Variants in MIPOL1 observed in about 807,000 individuals in gnomAD.
MIPOL1 encodes the protein mirror-image polydactyly gene 1 protein.
MIPOL1 carries 57 observed loss-of-function variants against 60.9 expected under a neutral mutation model. The ratio of observed to expected loss-of-function variants is 0.94; its 90% CI spans 0.76 to 1.17. The LOEUF (loss-of-function observed/expected upper bound fraction) is 1.17, where lower values mean the gene tolerates loss of function less well. Among genes scored for constraint, MIPOL1 ranks in the 50% most tolerant of loss-of-function variants. The probability of loss-of-function intolerance (pLI) is 0.00; values close to 1 mark genes in which losing one functional copy is unlikely to be tolerated. For synonymous variants in MIPOL1, 179 were observed against 168.8 expected, an observed-to-expected ratio of 1.06 and a Z score of -0.47; for missense variants, 551 against 511.6, an observed-to-expected ratio of 1.08 and a Z score of -0.74.
At chr14:37,348,883 A>G (rs2091138572) in intron 9 of MIPOL1, among the ~76,000 whole-genome samples, 1 of 142,958 alleles carries the variant, frequency 7.0e-6, no homozygotes, top group South Asian at 2.2e-4. Flanking sequence ...GCTGGAGAGC[A>G]GTGGCACGAT....
intron 1 of MIPOL1, among the ~76,000 whole-genome samples, chr14:37,242,989 T>C (rs1972593955): frequency 6.6e-6 from 1 of 152,024 alleles, no homozygotes; most frequent in Non-Finnish European, 1.5e-5. Context: ...AGATAAAAGC[T>C]CTGAGGCAAG....
At chr14:37,322,258 A>T (rs762357327) in intron 9 of MIPOL1, among the ~76,000 whole-genome samples, 2 of 152,048 alleles carry the variant, frequency 1.3e-5, no homozygotes, top group African/African-American at 4.8e-5. Context: ...TGACAAGTGC[A>T]TACAACTGTA....
At chr14:37,360,409 C>T (rs1003142182) in intron 9 of MIPOL1, among the ~76,000 whole-genome samples, 4 of 152,226 alleles carry the variant, frequency 2.6e-5, no homozygotes, top group African/African-American at 9.6e-5. Context: ...ATCTCCTCTT[C>T]GTACCTCTGG....
At chr14:37,450,197 C>T (rs190558421) in intron 11 of MIPOL1, among the ~76,000 whole-genome samples, 1 of 152,190 alleles carries the variant, frequency 6.6e-6, no homozygotes, top group East Asian at 1.9e-4. Flanking sequence ...ATGAGGTCTC[C>T]CTTTACGCCA....
intron 11 of MIPOL1, among the ~76,000 whole-genome samples, chr14:37,439,656 C>G (rs2094212590): frequency 6.6e-6 from 1 of 151,982 alleles, no homozygotes; most frequent in Non-Finnish European, 1.5e-5. Context: ...AAACGTCAAC[C>G]CCTGGTCAAT....
chr14:37,435,780 T>C (rs973547132), intron 11 of MIPOL1, among the ~76,000 whole-genome samples: 1 of 148,144 alleles, frequency 6.8e-6, no homozygotes, highest in East Asian at 2.0e-4. Context: ...AAAAATTTTT[T>C]ATGTACATGT....
chr14:37,254,931 C>G (rs1249886017), intron 3 of MIPOL1, among the ~76,000 whole-genome samples: 1 of 151,678 alleles, frequency 6.6e-6, no homozygotes, highest in East Asian at 1.9e-4. Flanking sequence ...AATACAAACT[C>G]TACTTTAAAT....
chr14:37,540,942 G>T (rs1176365699), intron 12 of MIPOL1, among the ~76,000 whole-genome samples: 1 of 152,064 alleles, frequency 6.6e-6, no homozygotes, highest in Non-Finnish European at 1.5e-5. Flanking sequence ...TTCAGTAATT[G>T]CTTCTGATCT....
intron 9 of MIPOL1, among the ~76,000 whole-genome samples, chr14:37,318,736 C>T (rs1319900420): frequency 1.3e-5 from 2 of 152,016 alleles, no homozygotes; most frequent in Admixed American, 6.6e-5. Flanking sequence ...ACTTTGTAGC[C>T]TGATTTTTCA....
At chr14:37,353,617 T>G (rs1431684951) in intron 9 of MIPOL1, among the ~76,000 whole-genome samples, 1 of 151,432 alleles carries the variant, frequency 6.6e-6, no homozygotes, top group Non-Finnish European at 1.5e-5. Context: ...ATTCAACTTC[T>G]TCCTGGTTTA....
chr14:37,260,804 C>G (rs1292636187), intron 3 of MIPOL1, among the ~76,000 whole-genome samples: 1 of 152,064 alleles, frequency 6.6e-6, no homozygotes, highest in African/African-American at 2.4e-5. Flanking sequence ...GCTAAGTTAC[C>G]TAATTTCCTG....
chr14:37,308,777 A>T (rs564106172), intron 9 of MIPOL1, among the ~76,000 whole-genome samples: 1 of 152,230 alleles, frequency 6.6e-6, no homozygotes, highest in South Asian at 2.1e-4. Flanking sequence ...TTACAGACTA[A>T]CTTGTTATAG....
At chr14:37,237,086 G>A (rs1481935506) in intron 1 of MIPOL1, among the ~76,000 whole-genome samples, 1 of 152,048 alleles carries the variant, frequency 6.6e-6, no homozygotes, top group African/African-American at 2.4e-5. Context: ...TCAGGCCATA[G>A]ATGGTCTGTC....
rs2095460508 is a variant in MIPOL1, at chr14:37,528,386, A to G, written c.1263-18519A>G. Among the ~76,000 whole-genome samples the G allele has an allele frequency of 2.0e-5, 3 of 152,036 alleles. No individual in the cohort carries two copies. The South Asian group carries it at 6.2e-4, about 31-fold the overall frequency. ...AAATACCACTGCAGTGAAAATACTT[A>G]AAGCTAGATATTTGCACATATCTGT... On this transcript the variant is annotated intron_variant, in intron 12 of 12. Transcript: ENST00000684589.
At chr14:37,521,223 C>T (rs2095411167) in intron 12 of MIPOL1, among the ~76,000 whole-genome samples, 1 of 126,288 alleles carries the variant, frequency 7.9e-6, no homozygotes, top group South Asian at 2.6e-4. Flanking sequence ...AGGTGTGAGC[C>T]ACTGCGCCCA....
At chr14:37,218,697 G>A (rs989378884) in intron 1 of MIPOL1, among the ~76,000 whole-genome samples, 1 of 152,082 alleles carries the variant, frequency 6.6e-6, no homozygotes, top group Non-Finnish European at 1.5e-5. Context: ...GCACTTTTGA[G>A]AGGCTGAGTT....
intron 11 of MIPOL1, among the ~76,000 whole-genome samples, chr14:37,475,144 T>C (rs889764697): frequency 1.3e-5 from 2 of 152,168 alleles, no homozygotes; most frequent in South Asian, 2.1e-4. Context: ...TTTGCATTTT[T>C]AGTAGAGACA....
chr14:37,495,117 CT>C (rs71971937), intron 11 of MIPOL1, among the ~76,000 whole-genome samples: 91,073 of 140,092 alleles, frequency 0.65, 29,825 homozygotes, highest in East Asian at 0.83. Context: ...GGTAATTTTT[CT>C]TTTTTTTTTT....
chr14:37,251,053 G>GT lies in MIPOL1; in HGVS notation c.19+3155dup, dbSNP rs987103571. Among the ~76,000 whole-genome samples the GT allele has an allele frequency of 2.2e-4, 33 of 151,274 alleles. 1 individual carries two copies. The highest frequency in any genetic ancestry group is 1.2e-3 in the East Asian group (6 of 5,138). Reference sequence around the variant, plus strand: ...GATGACATCTACAAAATAAACCCAAGTTTTTTTTTATATGTATATTTTTTA... The same window carrying GT: ...GATGACATCTACAAAATAAACCCAAGTTTTTTTTTTATATGTATATTTTTTA... On this transcript the variant is annotated intron_variant, in intron 3 of 12. Coordinates refer to ENST00000684589, the MANE Select transcript of MIPOL1 (RefSeq NM_001388067.1).
Sources: gnomAD v4.1 joint callset for allele counts (sites outside exome capture counted in the v4.1 genomes callset) on GRCh38, gnomAD v4.1.1 for gene constraint, MANE v1.5 for transcripts, NCBI Gene and HGNC (gene_info 2026-07-23, HGNC 2026-07-21) for gene names.